Variants in LSAMP observed in about 807,000 individuals in gnomAD.
LSAMP encodes the protein limbic system-associated membrane protein.
Under a neutral mutation model 38.6 loss-of-function variants are expected in LSAMP, and 7 were observed. That is an observed-to-expected ratio of 0.18 (90% confidence interval 0.10 to 0.34). LSAMP has a LOEUF of 0.34. Among genes scored for constraint, LSAMP ranks in the 10% least tolerant of loss-of-function variants. LSAMP has a pLI of 1.00. For synonymous variants in LSAMP, 154 were observed against 166.8 expected (o/e 0.92, Z 0.59); for missense variants, 313 against 420.0 (o/e 0.75, Z 2.23).
At chr3:116,236,529 T>C (rs2046467592) in intron 1 of LSAMP, among the ~76,000 whole-genome samples, 2 of 152,144 alleles carry the variant, frequency 1.3e-5, no homozygotes, top group Admixed American at 1.3e-4. Context: ...TGATTTCACT[T>C]CTGAAATACT....
chr3:116,346,214 T>G (rs1002645578), intron 1 of LSAMP, among the ~76,000 whole-genome samples: 1 of 152,224 alleles, frequency 6.6e-6, no homozygotes, highest in Non-Finnish European at 1.5e-5. Context: ...TTTGCATTGT[T>G]ATATGTTTCT....
intron 1 of LSAMP, among the ~76,000 whole-genome samples, chr3:116,241,234 T>C (rs932807782): frequency 6.6e-6 from 1 of 150,588 alleles, no homozygotes; most frequent in African/African-American, 2.4e-5. Context: ...TTGCTTCCTG[T>C]CCAAGGTTTC....
intron 2 of LSAMP, among the ~76,000 whole-genome samples, chr3:116,019,903 C>T (rs1940590320): frequency 6.6e-6 from 1 of 152,060 alleles, no homozygotes; most frequent in African/African-American, 2.4e-5. Flanking sequence ...ATGAAAATAT[C>T]TTAGCTTTTA....
At chr3:116,008,441 G>A (rs965776223) in intron 3 of LSAMP, among the ~76,000 whole-genome samples, 2 of 152,150 alleles carry the variant, frequency 1.3e-5, no homozygotes, top group South Asian at 2.1e-4. Flanking sequence ...ATCCCTGAAA[G>A]CAACAGTCTG....
chr3:116,086,851 G>A lies in LSAMP; in HGVS notation c.156-295C>T, dbSNP rs372782035. ...TTCCCATTATCTTCTTCTTGTTTAGGAAAAGGCCACTCACTCAGAACTCCG... is the reference window on the plus strand; with the variant it reads ...TTCCCATTATCTTCTTCTTGTTTAGAAAAAGGCCACTCACTCAGAACTCCG... On this transcript the variant is annotated intron_variant, in intron 1 of 6. Transcript: ENST00000490035. 2.1e-4 allele frequency among the ~76,000 whole-genome samples: 32 copies of A among 152,202 alleles called. No homozygotes were observed. The South Asian group carries it at 6.6e-3, about 32-fold the overall frequency.
chr3:116,419,094 A>G lies in LSAMP; in HGVS notation c.155+25783T>C, dbSNP rs2049089573. On this transcript the variant is annotated intron_variant, in intron 1 of 6. Coordinates refer to ENST00000490035, the MANE Select transcript of LSAMP (RefSeq NM_002338.5). The stretch of plus-strand genomic sequence containing the variant: ...GTAGAAGTGCTACCCTGTGTCTCCT[A>G]TTCTGGGTAGGCAATTCATAAATAT... Among the ~76,000 whole-genome samples the G allele has an allele frequency of 2.6e-5, 4 of 152,338 alleles. No homozygotes were observed. The South Asian group carries it at 8.3e-4, about 32-fold the overall frequency.
intron 1 of LSAMP, among the ~76,000 whole-genome samples, chr3:116,123,623 T>C (rs1007129238): frequency 2.6e-5 from 4 of 152,230 alleles, no homozygotes; most frequent in African/African-American, 9.6e-5. Context: ...CAAAAATGTT[T>C]CCTTGGGTTA....
intron 6 of LSAMP, among the ~76,000 whole-genome samples, chr3:115,833,498 C>G (rs1036400204): frequency 1.3e-5 from 2 of 150,920 alleles, no homozygotes; most frequent in African/African-American, 4.9e-5. Flanking sequence ...ATCCTTAGTT[C>G]GAAAATAATT....
chr3:116,441,749 T>C (rs891119211), intron 1 of LSAMP, among the ~76,000 whole-genome samples: 10 of 152,284 alleles, frequency 6.6e-5, no homozygotes, highest in African/African-American at 2.2e-4. Context: ...TGAGGCAGCT[T>C]CATGACTGAA....
intron 6 of LSAMP, among the ~76,000 whole-genome samples, chr3:115,821,428 C>T (rs1176958119): frequency 6.6e-6 from 1 of 152,168 alleles, no homozygotes; most frequent in Non-Finnish European, 1.5e-5. Flanking sequence ...CATTTGCATT[C>T]ACATGTAGGT....
intron 1 of LSAMP, among the ~76,000 whole-genome samples, chr3:116,215,724 T>C (rs775701479): frequency 1.3e-4 from 20 of 152,104 alleles, no homozygotes; most frequent in Non-Finnish European, 2.5e-4. Context: ...TTGAGGGAGA[T>C]AGGGATGAAT....
intron 1 of LSAMP, among the ~76,000 whole-genome samples, chr3:116,133,251 CTTT>C (rs370026463): frequency 1.3e-4 from 19 of 149,560 alleles, no homozygotes; most frequent in South Asian, 6.3e-4. Flanking sequence ...CTTTTTTTTC[CTTT>C]TTTTTTTGTT....
intron 1 of LSAMP, among the ~76,000 whole-genome samples, chr3:116,340,281 CAT>C (rs1465455457): frequency 2.0e-5 from 3 of 152,002 alleles, no homozygotes; most frequent in African/African-American, 7.2e-5. Flanking sequence ...TTGCCTGTTA[CAT>C]ATGAGAATAA....
At chr3:116,262,850 C>A (rs763137014) in intron 1 of LSAMP, among the ~76,000 whole-genome samples, 11 of 152,140 alleles carry the variant, frequency 7.2e-5, no homozygotes, top group Non-Finnish European at 1.5e-4. Flanking sequence ...ACATAACTTG[C>A]AATTTTCTGC....
chr3:115,932,058 TAAAA>T (rs1370500920), intron 3 of LSAMP, among the ~76,000 whole-genome samples: 1 of 152,088 alleles, frequency 6.6e-6, no homozygotes, highest in East Asian at 1.9e-4. Flanking sequence ...AATTATATAT[TAAAA>T]AAGAGAGAAT....
At position 116,153,314 on chromosome 3, in the gene LSAMP, C is replaced by A. The variant is rs1576396600; in HGVS notation, c.156-66758G>T. ...TTCTCAGACTACACCTACGTGACAT[C>A]CATGATTCAAGCTGACTGTAGGAAA... On this transcript the variant is annotated intron_variant, in intron 1 of 6. Coordinates refer to ENST00000490035, the MANE Select transcript of LSAMP (RefSeq NM_002338.5). 2.0e-5 allele frequency among the ~76,000 whole-genome samples: 3 copies of A among 152,200 alleles called. No individual in the cohort carries two copies. In the East Asian group the frequency reaches 5.8e-4, roughly 30 times the overall value.
chr3:116,082,853 A>G (rs1325075569), intron 2 of LSAMP, among the ~76,000 whole-genome samples: 1 of 152,104 alleles, frequency 6.6e-6, no homozygotes, highest in Non-Finnish European at 1.5e-5. Flanking sequence ...TTATGAACAC[A>G]AAGAAGGAAA....
intron 3 of LSAMP, among the ~76,000 whole-genome samples, chr3:116,000,377 C>A (rs74731211): frequency 6.6e-6 from 1 of 152,048 alleles, no homozygotes; most frequent in African/African-American, 2.4e-5. Flanking sequence ...TCCCCAGAAC[C>A]CCTAGATAGG....
chr3:116,215,526 A>T (rs1377321113), intron 1 of LSAMP, among the ~76,000 whole-genome samples: 2 of 152,252 alleles, frequency 1.3e-5, no homozygotes, highest in South Asian at 2.1e-4. Context: ...ATGCAAAACT[A>T]TCTTCATCAA....
Sources: allele counts gnomAD v4.1 joint callset (sites outside exome capture counted in the v4.1 genomes callset), GRCh38; gene constraint gnomAD v4.1.1; transcripts MANE v1.5; gene names NCBI Gene and HGNC (gene_info 2026-07-23, HGNC 2026-07-21).